MDGA2: variants seen among roughly 807,000 people sequenced by gnomAD.
MDGA2 encodes MAM domain containing glycosylphosphatidylinositol anchor 2, also known as MAM domain-containing glycosylphosphatidylinositol anchor protein 2.
MDGA2 carries 40 observed loss-of-function variants against 117.8 expected under a neutral mutation model. The ratio of observed to expected loss-of-function variants is 0.34; its 90% CI spans 0.26 to 0.44. MDGA2 has a LOEUF of 0.44. Ranked by LOEUF, MDGA2 falls within the 20% of genes least tolerant of loss-of-function variation. The pLI is 1.00. For synonymous variants in MDGA2, 452 were observed against 439.0 expected (o/e 1.03, Z -0.37); for missense variants, 1,123 against 1,250.6 (o/e 0.90, Z 1.54).
intron 1 of MDGA2, among the ~76,000 whole-genome samples, chr14:47,450,590 G>T (rs1893221093): frequency 6.6e-6 from 1 of 152,036 alleles, no homozygotes; most frequent in African/African-American, 2.4e-5. Context: ...CTGTCATTTT[G>T]AACTATTCTT....
chr14:46,927,976 AT>A (rs1427005342), intron 9 of MDGA2, among the ~76,000 whole-genome samples: 2 of 152,142 alleles, frequency 1.3e-5, no homozygotes, highest in Non-Finnish European at 2.9e-5. Context: ...CTATTGATAC[AT>A]TGTCAGTCTT....
intron 1 of MDGA2, among the ~76,000 whole-genome samples, chr14:47,577,300 TA>T (rs1336393506): frequency 6.6e-6 from 1 of 152,116 alleles, no homozygotes; most frequent in African/African-American, 2.4e-5. Context: ...CCAGATGGGT[TA>T]AAGACGTAAA....
intron 1 of MDGA2, among the ~76,000 whole-genome samples, chr14:47,335,194 T>C (rs1185648103): frequency 1.3e-5 from 2 of 150,570 alleles, no homozygotes; most frequent in African/African-American, 2.4e-5. Flanking sequence ...AATTCATATA[T>C]TGTAGCAGCC....
intron 1 of MDGA2, among the ~76,000 whole-genome samples, chr14:47,632,014 T>G (rs1210244887): frequency 6.6e-6 from 1 of 152,130 alleles, no homozygotes. Flanking sequence ...TCTTCCAATG[T>G]GTCCCAGGTG....
chr14:47,213,169 T>C (rs1029260719), intron 3 of MDGA2, among the ~76,000 whole-genome samples: 2 of 152,166 alleles, frequency 1.3e-5, no homozygotes, highest in African/African-American at 4.8e-5. Context: ...AAAAATGTCT[T>C]TCTTCTTCTT....
At chr14:47,403,173 T>TA (rs1307082222) in intron 1 of MDGA2, among the ~76,000 whole-genome samples, 1 of 152,150 alleles carries the variant, frequency 6.6e-6, no homozygotes, top group Non-Finnish European at 1.5e-5. Flanking sequence ...ATCAACTTAG[T>TA]CTAATTTCCC....
intron 14 of MDGA2, among the ~76,000 whole-genome samples, chr14:46,859,929 C>A (rs889679550): frequency 1.3e-5 from 2 of 152,034 alleles, no homozygotes; most frequent in Non-Finnish European, 2.9e-5. Flanking sequence ...TTAAATCACT[C>A]AGAGGGTAGC....
chr14:47,277,473 T>C (rs1051463318), intron 2 of MDGA2, among the ~76,000 whole-genome samples: 1 of 152,190 alleles, frequency 6.6e-6, no homozygotes, highest in African/African-American at 2.4e-5. Context: ...CAATTATAAA[T>C]ATTAAATTAA....
chr14:47,318,924 T>C (rs1889894459), intron 1 of MDGA2, among the ~76,000 whole-genome samples: 1 of 152,206 alleles, frequency 6.6e-6, no homozygotes, highest in Non-Finnish European at 1.5e-5. Flanking sequence ...TTCTATCTTT[T>C]CCTAACTGAT....
intron 1 of MDGA2, among the ~76,000 whole-genome samples, chr14:47,494,567 C>T (rs1366103920): frequency 6.6e-6 from 1 of 152,006 alleles, no homozygotes; most frequent in Non-Finnish European, 1.5e-5. Context: ...GTTGCATTTT[C>T]TTTTGAGGGT....
Position 47,256,535 on chromosome 14 carries a change from C to T in MDGA2, c.421-38340G>A, listed in dbSNP as rs145880531. Among the ~76,000 whole-genome samples, 41 of 152,214 alleles carry T rather than the reference C, an allele frequency of 2.7e-4. No homozygotes were observed. In the East Asian group the frequency reaches 7.4e-3, roughly 27 times the overall value. On this transcript the variant is annotated intron_variant, in intron 2 of 16. Transcript: ENST00000399232. ...ATCTATTTGCTTCTTTCTTTCCAAACACAGCATGCACGGAAGTATGCATCT... is the reference window on the plus strand; with the variant it reads ...ATCTATTTGCTTCTTTCTTTCCAAATACAGCATGCACGGAAGTATGCATCT...
chr14:47,053,296 T>C lies in MDGA2; in HGVS notation c.1525+7953A>G, dbSNP rs952597342. Among the ~76,000 whole-genome samples the C allele has an allele frequency of 2.0e-5, 3 of 151,840 alleles. No homozygotes were observed. In the Admixed American group the frequency reaches 2.0e-4, roughly 10 times the overall value. Reference sequence around the variant, plus strand: ...GCCCATCTGTTTCAAATTAATACAATTACTTGTGAAGTCTATGTTTTAGTT... The same window carrying C: ...GCCCATCTGTTTCAAATTAATACAACTACTTGTGAAGTCTATGTTTTAGTT... On this transcript the variant is annotated intron_variant, in intron 7 of 16. Transcript: ENST00000399232.
At chr14:47,501,799 GA>G (rs1480061895) in intron 1 of MDGA2, among the ~76,000 whole-genome samples, 2 of 152,032 alleles carry the variant, frequency 1.3e-5, no homozygotes, top group Non-Finnish European at 2.9e-5. Context: ...TGGCCTTGCT[GA>G]AACCTTGATT....
chr14:47,171,615 T>C, intron 3 of MDGA2, among the ~76,000 whole-genome samples: 1 of 152,232 alleles, frequency 6.6e-6, no homozygotes, highest in East Asian at 1.9e-4. Flanking sequence ...CTGCTAATCA[T>C]TTCAGAAGCT....
chr14:46,847,090 T>C (rs185020344), intron 15 of MDGA2, among the ~76,000 whole-genome samples: 1 of 152,216 alleles, frequency 6.6e-6, no homozygotes, highest in Admixed American at 6.5e-5. Context: ...TTTTGAGAAA[T>C]TTATCCAATG....
chr14:47,246,801 A>AC (rs1887251545), intron 2 of MDGA2, among the ~76,000 whole-genome samples: 1 of 124,296 alleles, frequency 8.0e-6, no homozygotes, highest in Non-Finnish European at 1.7e-5. Context: ...GCAGGTAATG[A>AC]AACACACACA....
intron 1 of MDGA2, among the ~76,000 whole-genome samples, chr14:47,561,179 G>GTTTTTTTTT (rs1299123339): frequency 1.4e-5 from 1 of 71,624 alleles, no homozygotes; most frequent in Non-Finnish European, 2.8e-5. Context: ...TTGTTTGTTT[G>GTTTTTTTTT]TTTTTTTTTG....
chr14:47,249,196 T>G (rs192898279), intron 2 of MDGA2, among the ~76,000 whole-genome samples: 1 of 151,434 alleles, frequency 6.6e-6, no homozygotes, highest in Non-Finnish European at 1.5e-5. Flanking sequence ...TTTTGTATTT[T>G]TTAGTAGAGA....
At chr14:46,854,970 C>T in intron 15 of MDGA2, 54 bp downstream of exon 15, 12 of 1,442,208 alleles carry the variant, frequency 8.3e-6, no homozygotes, top group Admixed American at 4.4e-5. Flanking sequence ...CAAGATCCAC[C>T]TTTAATATTA....
Sources: allele counts gnomAD v4.1 joint callset (sites outside exome capture counted in the v4.1 genomes callset), GRCh38; gene constraint gnomAD v4.1.1; transcripts MANE v1.5; gene names NCBI Gene and HGNC (gene_info 2026-07-23, HGNC 2026-07-21).